Variants in ATRNL1 observed in about 807,000 individuals in gnomAD.
ATRNL1 encodes the protein attractin-like protein 1.
ATRNL1 carries 95 observed loss-of-function variants against 182.7 expected under a neutral mutation model. The ratio of observed to expected loss-of-function variants is 0.52; its 90% CI spans 0.44 to 0.62. The LOEUF is 0.62. Ranked by LOEUF, ATRNL1 falls within the 20% of genes least tolerant of loss-of-function variation. ATRNL1 has a pLI of 0.00. For missense variants in ATRNL1, 1,471 were observed against 1,679.5 expected (o/e 0.88, Z 2.17); for synonymous variants, 576 against 568.3 (o/e 1.01, Z -0.19).
chr10:115,451,368 T>G (rs1554967597), intron 21 of ATRNL1, among the ~76,000 whole-genome samples: 4 of 152,282 alleles, frequency 2.6e-5, no homozygotes. Flanking sequence ...ACTATGCGTC[T>G]ATCAAAGATC....
At chr10:115,650,776 A>G (rs1204363435) in intron 26 of ATRNL1, among the ~76,000 whole-genome samples, 3 of 152,072 alleles carry the variant, frequency 2.0e-5, no homozygotes, top group Non-Finnish European at 4.4e-5. Context: ...GAAAGAGCTT[A>G]TGGAGTGTTG....
At chr10:115,147,687 TGA>T (rs1425005043) in intron 5 of ATRNL1, among the ~76,000 whole-genome samples, 1 of 152,138 alleles carries the variant, frequency 6.6e-6, no homozygotes, top group Non-Finnish European at 1.5e-5. Flanking sequence ...CTTCCACATG[TGA>T]ATATCCAGTA....
intron 28 of ATRNL1, among the ~76,000 whole-genome samples, chr10:115,929,033 A>C (rs975272323): frequency 1.3e-4 from 20 of 152,038 alleles, no homozygotes; most frequent in African/African-American, 4.1e-4. Flanking sequence ...GCCCATTTTG[A>C]ATACTGATCC....
At chr10:115,668,134 A>G (rs1861108801) in intron 26 of ATRNL1, among the ~76,000 whole-genome samples, 1 of 152,144 alleles carries the variant, frequency 6.6e-6, no homozygotes, top group African/African-American at 2.4e-5. Flanking sequence ...TTTCTCCATG[A>G]CTTTCTTGCT....
rs187487342 is a variant in ATRNL1 at position 115,400,883 on chromosome 10, G to T, written c.3269+6131G>T. On this transcript the variant is annotated intron_variant, in intron 20 of 28. Coordinates refer to ENST00000355044, the MANE Select transcript of ATRNL1 (RefSeq NM_207303.4). The stretch of plus-strand genomic sequence containing the variant: ...GAAGACAGCATACCAACGGGTCTTG[G>T]ATCTTTATTCGGTTTGCCTTTCTAT... Among the ~76,000 whole-genome samples the T allele has an allele frequency of 9.2e-5, 14 of 152,056 alleles. No homozygotes were observed. In the East Asian group the frequency reaches 2.5e-3, roughly 27 times the overall value.
chr10:115,126,661 TATA>T (rs1430321478), intron 3 of ATRNL1, among the ~76,000 whole-genome samples: 4 of 152,212 alleles, frequency 2.6e-5, no homozygotes, highest in Non-Finnish European at 5.9e-5. Context: ...ATTATTTGAC[TATA>T]ATATTTCATT....
chr10:115,382,191 A>G (rs1467400195), intron 19 of ATRNL1, among the ~76,000 whole-genome samples: 1 of 152,110 alleles, frequency 6.6e-6, no homozygotes, highest in Non-Finnish European at 1.5e-5. Flanking sequence ...CCTTGTAATT[A>G]TATGTGTATT....
chr10:115,124,070 T>G (rs1449704308), intron 3 of ATRNL1, among the ~76,000 whole-genome samples: 1 of 152,034 alleles, frequency 6.6e-6, no homozygotes, highest in Non-Finnish European at 1.5e-5. Context: ...GCATAATAAA[T>G]GTAATATGCT....
At chr10:115,366,304 G>A (rs1235666377) in intron 19 of ATRNL1, among the ~76,000 whole-genome samples, 12 of 151,728 alleles carry the variant, frequency 7.9e-5, no homozygotes, top group East Asian at 3.9e-4. Context: ...ATCTTTGTTG[G>A]TTTAAAGTCT....
At chr10:115,798,013 GTTCACGCCA>G (rs1174170091) in intron 27 of ATRNL1, among the ~76,000 whole-genome samples, 22 of 152,160 alleles carry the variant, frequency 1.4e-4, no homozygotes. Context: ...TGCCTCCCGG[GTTCACGCCA>G]TTCTCCTGCC....
intron 26 of ATRNL1, among the ~76,000 whole-genome samples, chr10:115,654,312 C>G (rs1047324456): frequency 1.3e-5 from 2 of 151,576 alleles, no homozygotes; most frequent in African/African-American, 2.4e-5. Flanking sequence ...CTCTGCCTCT[C>G]GGGTTCAAGC....
chr10:115,361,821 C>T (rs1395878532), intron 19 of ATRNL1, among the ~76,000 whole-genome samples: 3 of 151,966 alleles, frequency 2.0e-5, no homozygotes, highest in Non-Finnish European at 4.4e-5. Context: ...ATTTTTGAAA[C>T]AGTGCTATTT....
intron 24 of ATRNL1, among the ~76,000 whole-genome samples, chr10:115,472,171 T>C (rs1166545868): frequency 6.6e-6 from 1 of 151,134 alleles, no homozygotes; most frequent in Non-Finnish European, 1.5e-5. Context: ...TATGGGTTTA[T>C]TTCTAGCCTC....
At chr10:115,917,737 T>A (rs550292077) in intron 28 of ATRNL1, among the ~76,000 whole-genome samples, 1 of 152,172 alleles carries the variant, frequency 6.6e-6, no homozygotes, top group South Asian at 2.1e-4. Context: ...CTAACCACAT[T>A]TTGTTCATAA....
At chr10:115,942,970 G>A (rs1160589694) in intron 28 of ATRNL1, among the ~76,000 whole-genome samples, 1 of 152,172 alleles carries the variant, frequency 6.6e-6, no homozygotes, top group East Asian at 1.9e-4. Flanking sequence ...CTTACCAAGT[G>A]TTCCTGTCCA....
At chr10:115,634,698 A>T (rs1258135576) in intron 26 of ATRNL1, among the ~76,000 whole-genome samples, 1 of 152,154 alleles carries the variant, frequency 6.6e-6, no homozygotes, top group Non-Finnish European at 1.5e-5. Context: ...TAAAATATTT[A>T]TATGATTTTT....
chr10:115,168,508 T>G (rs782283001), intron 7 of ATRNL1, among the ~76,000 whole-genome samples: 1 of 152,124 alleles, frequency 6.6e-6, no homozygotes, highest in African/African-American at 2.4e-5. Context: ...ATTGCCATCC[T>G]AGTGGGTTGA....
intron 24 of ATRNL1, among the ~76,000 whole-genome samples, chr10:115,469,950 T>A (rs1848226926): frequency 6.6e-6 from 1 of 150,636 alleles, no homozygotes; most frequent in Non-Finnish European, 1.5e-5. Context: ...AAGAAAAGCC[T>A]ATCTATTGGG....
At position 115,743,051 on chromosome 10, in the gene ATRNL1, G is replaced by C. The variant is rs142088831; in HGVS notation, c.3903+15696G>C. 3.5e-3 allele frequency among the ~76,000 whole-genome samples: 535 copies of C among 151,998 alleles called. 3 individuals carry two copies. Among genetic ancestry groups the C allele is most frequent in the Middle Eastern group, 0.014 (4 of 294 alleles). On this transcript the variant is annotated intron_variant, in intron 27 of 28. Transcript: ENST00000355044. ...TAAAAGGGGAAAAGTCCCTTATAAA[G>C]CCATCACATCTCATGAGAACTCACT...
Sources: allele counts gnomAD v4.1 joint callset (sites outside exome capture counted in the v4.1 genomes callset), GRCh38; gene constraint gnomAD v4.1.1; transcripts MANE v1.5; gene names NCBI Gene and HGNC (gene_info 2026-07-23, HGNC 2026-07-21).